Variants in MAP1LC3A observed in about 807,000 individuals in gnomAD.
The protein encoded by MAP1LC3A is microtubule-associated protein 1 light chain 3 alpha.
MAP1LC3A carries 10 observed loss-of-function variants against 15.2 expected under a neutral mutation model. That is an observed-to-expected ratio of 0.66 (90% CI 0.41 to 1.12). The LOEUF (loss-of-function observed/expected upper bound fraction) is 1.12, where lower values mean the gene tolerates loss of function less well. Among genes scored for constraint, MAP1LC3A ranks in the 50% most tolerant of loss-of-function variants. The pLI is 0.00. For missense variants in MAP1LC3A, 138 were observed against 167.3 expected, an observed-to-expected ratio of 0.82 and a Z score of 0.97; for synonymous variants, 63 against 64.3, an observed-to-expected ratio of 0.98 and a Z score of 0.10.
At position 34,559,018 on chromosome 20, in the gene MAP1LC3A, C is replaced by A. The variant is rs1982291262; in HGVS notation, c.40+110C>A. On this transcript the variant is annotated intron_variant, in intron 1 of 3. Coordinates refer to ENST00000360668, the MANE Select transcript of MAP1LC3A (RefSeq NM_032514.4). ...GTCAGGCTCTGGCTGGACCCTCGGG[C>A]TGGGACCAGCTCCGGCCTGGGCGGG... The A allele has an allele frequency of 8.2e-6, 11 of 1,336,258 alleles. No individual in the cohort carries two copies. The South Asian group carries it at 1.3e-4, about 16-fold the overall frequency. The allele number at this position is 1,336,258 out of a possible 1,614,324, so 82.8% of individuals were successfully genotyped here. A position where few individuals can be genotyped will look rare whatever the true frequency, so the allele number is the denominator to read the frequency against.
intron 1 of MAP1LC3A, among the ~76,000 whole-genome samples, chr20:34,549,602 G>A (rs550759467): frequency 6.6e-6 from 1 of 152,356 alleles, no homozygotes; most frequent in Non-Finnish European, 1.5e-5. Flanking sequence ...AGTGTGCTGA[G>A]AGTAGCAGCC....
At chr20:34,557,796 G>T (rs1409448673), upstream of MAP1LC3A, among the ~76,000 whole-genome samples, 1 of 152,066 alleles carries the variant, frequency 6.6e-6, no homozygotes, top group Non-Finnish European at 1.5e-5. Context: ...GTGGTGGCAG[G>T]CGCCTGTAAT....
chr20:34,549,482 C>T (rs911056488), intron 1 of MAP1LC3A, among the ~76,000 whole-genome samples: 7 of 152,170 alleles, frequency 4.6e-5, no homozygotes, highest in Non-Finnish European at 1.0e-4. Flanking sequence ...TGATGCAGGG[C>T]AGGTTCTTTG....
chr20:34,558,071 G>C (rs768684118), upstream of MAP1LC3A: 33 of 985,308 alleles, frequency 3.3e-5, no homozygotes, highest in Non-Finnish European at 3.9e-5. The surrounding 1 kb of genome is among the most constrained non-coding windows in gnomAD (Gnocchi z 4.3). Flanking sequence ...TCGGGCCCGC[G>C]AGTTCTCCTG....
At chr20:34,554,354 GTTTTTTTTTTTTTTTTTTTTTTTT>G (rs537779341), upstream of MAP1LC3A, among the ~76,000 whole-genome samples, 101 of 106,160 alleles carry the variant, frequency 9.5e-4, 1 homozygote, top group East Asian at 4.9e-3. Context: ...TATACGTTGG[GTTTTTTTTTTTTTTTTTTTTTTTT>G]TTTTTTTTTT....
upstream of MAP1LC3A, among the ~76,000 whole-genome samples, chr20:34,555,197 G>C (rs1982110539): frequency 6.6e-6 from 1 of 150,686 alleles, no homozygotes; most frequent in Admixed American, 6.6e-5. Flanking sequence ...GCAGGCTGGA[G>C]TGCAGTGGCA....
intron 3 of MAP1LC3A, 27 bp downstream of exon 3, chr20:34,559,480 T>C (rs2146681390): frequency 2.5e-6 from 4 of 1,589,826 alleles, no homozygotes; most frequent in Non-Finnish European, 3.4e-6. Flanking sequence ...CGCCAGGAGG[T>C]GGCTAGGGTC....
Position 34,559,940 on chromosome 20 carries a change from G to A in MAP1LC3A, c.*42G>A, listed in dbSNP as rs776643657. ...CTCGGCCTGGGAGTCGGGCGGCCCC[G>A]GTCAGGCCCTGCCCAGAGAGCTCCT... On this transcript the variant is annotated 3_prime_UTR_variant, in exon 4 of 4. Coordinates refer to ENST00000360668, the MANE Select transcript of MAP1LC3A (RefSeq NM_032514.4). The A allele has an allele frequency of 1.0e-5, 16 of 1,579,262 alleles. No individual in the cohort carries two copies. The highest frequency in any genetic ancestry group is 2.0e-4 in the Middle Eastern group (1 of 4,970).
At chr20:34,548,096 G>T (rs1355308186) in intron 1 of MAP1LC3A, among the ~76,000 whole-genome samples, 1 of 152,186 alleles carries the variant, frequency 6.6e-6, no homozygotes, top group African/African-American at 2.4e-5. Flanking sequence ...TGGCAGGTGA[G>T]GGGGAGTCCA....
Position 34,558,769 on chromosome 20 carries a change from A to G in MAP1LC3A, c.-100A>G. 1 of 1,341,486 alleles carries G rather than the reference A, an allele frequency of 7.5e-7. No homozygotes were observed. The highest frequency in any genetic ancestry group is 1.9e-5 in the South Asian group (1 of 51,818). 83.1% of individuals were successfully genotyped at this position (1,341,486 alleles called of 1,614,324 possible). A position where few individuals can be genotyped will look rare whatever the true frequency, so the allele number is the denominator to read the frequency against. ...CCGCCGTGCTCAGCGCGAGCCCCGG[A>G]GCCCTTGAGCGCGAGGCGCGGAGCC... On this transcript the variant is annotated 5_prime_UTR_variant, in exon 1 of 4. Transcript: ENST00000360668. The surrounding 1 kb of genome is among the most constrained non-coding windows in gnomAD (Gnocchi z 4.3).
chr20:34,552,505 C>G (rs544050465), intron 2 of MAP1LC3A, among the ~76,000 whole-genome samples: 1 of 152,372 alleles, frequency 6.6e-6, no homozygotes, highest in East Asian at 1.9e-4. Context: ...CAGGCAAAGG[C>G]CCTGGGGCAT....
Position 34,559,400 on chromosome 20 carries a change from C to T in MAP1LC3A, c.150C>T (p.Thr50=). The T allele has an allele frequency of 6.2e-7, 1 of 1,613,508 alleles. No homozygotes were observed. The highest frequency in any genetic ancestry group is 8.5e-7 in the Non-Finnish European group (1 of 1,179,782). ...GEKQLPVLDK[T]KFLVPDHVNM... is the part of the protein sequence containing the mutation. ...AGCAGCTGCCCGTCCTGGACAAGAC[C>T]AAGTTTTTGGTCCCGGACCATGTCA... The change falls in exon 3 of 4, where the codon ACC becomes ACT. Residue 50 remains threonine (T), a synonymous_variant. Transcript: ENST00000360668.
Position 34,560,039 on chromosome 20 carries a change from C to G in MAP1LC3A, c.*141C>G. On this transcript the variant is annotated 3_prime_UTR_variant, in exon 4 of 4. Transcript: ENST00000360668. ...GCCCCCCTAGTCAGAGGGCACCAAC[C>G]CACCTACTCTGCCCCTGGGTGGATC... 2 of 818,552 alleles carry G rather than the reference C, an allele frequency of 2.4e-6. No homozygotes were observed. The highest frequency in any genetic ancestry group is 3.8e-6 in the Non-Finnish European group (2 of 532,452). The allele number at this position is 818,552 out of a possible 1,614,324, so 50.7% of individuals were successfully genotyped here. A position where few individuals can be genotyped will look rare whatever the true frequency, so the allele number is the denominator to read the frequency against.
At chr20:34,547,666 G>A (rs923980606) in intron 1 of MAP1LC3A, among the ~76,000 whole-genome samples, 3 of 152,044 alleles carry the variant, frequency 2.0e-5, no homozygotes, top group Non-Finnish European at 4.4e-5. Context: ...GTCGCCTAGC[G>A]AAGAAGGTGC....
intron 1 of MAP1LC3A, among the ~76,000 whole-genome samples, chr20:34,549,413 T>C (rs143931625): frequency 4.7e-4 from 72 of 152,284 alleles, no homozygotes; most frequent in South Asian, 6.2e-4. Flanking sequence ...GTCCTCCCGA[T>C]ATGAGGCCCA....
upstream of MAP1LC3A, among the ~76,000 whole-genome samples, chr20:34,557,737 C>A (rs1982211631): frequency 6.6e-6 from 1 of 152,096 alleles, no homozygotes; most frequent in Admixed American, 6.6e-5. Context: ...CCATCCTGGC[C>A]AACATGGTGA....
chr20:34,556,781 A>G (rs1358622741), upstream of MAP1LC3A, among the ~76,000 whole-genome samples: 1 of 152,150 alleles, frequency 6.6e-6, no homozygotes, highest in African/African-American at 2.4e-5. Flanking sequence ...TTGTATTTTT[A>G]GTAGAGACAG....
At chr20:34,549,875 C>G in intron 1 of MAP1LC3A, 1 of 935,304 alleles carries the variant, frequency 1.1e-6, no homozygotes, top group South Asian at 1.4e-5. Context: ...CTCCTGCCTC[C>G]GTGCTGATTG....
chr20:34,555,147 A>ATT (rs1227966508), upstream of MAP1LC3A, among the ~76,000 whole-genome samples: 4 of 143,536 alleles, frequency 2.8e-5, no homozygotes, highest in South Asian at 2.2e-4. Flanking sequence ...GAATTTTCTT[A>ATT]TTTTTTTTTT....
Sources: allele counts gnomAD v4.1 joint callset (sites outside exome capture counted in the v4.1 genomes callset), GRCh38; gene constraint gnomAD v4.1.1; non-coding constraint Gnocchi (gnomAD v3.1); transcripts MANE v1.5; gene names NCBI Gene and HGNC (gene_info 2026-07-23, HGNC 2026-07-21).